Variants in FLT3LG observed in about 807,000 individuals in gnomAD.
FLT3LG encodes fms related receptor tyrosine kinase 3 ligand.
Under a neutral mutation model 30.9 loss-of-function variants are expected in FLT3LG, and 8 were observed. The ratio of observed to expected loss-of-function variants is 0.26; its 90% CI spans 0.15 to 0.47. FLT3LG has a LOEUF of 0.47. FLT3LG is among the 20% of genes least tolerant of loss of function. FLT3LG has a pLI of 0.99. For synonymous variants in FLT3LG, 123 were observed against 135.9 expected (o/e 0.91, Z 0.66); for missense variants, 278 against 306.2 (o/e 0.91, Z 0.69).
chr19:49,475,091 G>A (rs1178769180), intron 2 of FLT3LG, among the ~76,000 whole-genome samples: 1 of 100,478 alleles, frequency 1.0e-5, no homozygotes, highest in Non-Finnish European at 2.0e-5. Context: ...ATGGAGAGGA[G>A]GGGGTATGGA....
At position 49,474,608 on chromosome 19, in the gene FLT3LG, G is replaced by A. The variant is rs1216445521; in HGVS notation, c.-32G>A. The A allele has an allele frequency of 6.2e-7, 1 of 1,611,654 alleles. No homozygotes were observed. The highest frequency in any genetic ancestry group is 8.5e-7 in the Non-Finnish European group (1 of 1,179,300). ...GTTCTTCTGTCCCTTCCAAGACCCGGCGACAGGAGGCATGAGGGGCCCCCG... is the reference window on the plus strand; with the variant it reads ...GTTCTTCTGTCCCTTCCAAGACCCGACGACAGGAGGCATGAGGGGCCCCCG... On this transcript the variant is annotated 5_prime_UTR_variant, in exon 2 of 9. Transcript: ENST00000597551.
At chr19:49,477,495 T>C (rs1300281393) in intron 5 of FLT3LG, among the ~76,000 whole-genome samples, 1 of 151,450 alleles carries the variant, frequency 6.6e-6, no homozygotes, top group Non-Finnish European at 1.5e-5. Context: ...TCCCAGCACT[T>C]TGGGAGGCTG....
At chr19:49,484,555 G>A (rs975931599) in intron 8 of FLT3LG, among the ~76,000 whole-genome samples, 10 of 151,854 alleles carry the variant, frequency 6.6e-5, no homozygotes, top group African/African-American at 2.2e-4. Flanking sequence ...GGAGTGCAAC[G>A]GCACGATCTC....
chr19:49,485,587 A>G (rs1443618273), intron 8 of FLT3LG, among the ~76,000 whole-genome samples: 2 of 152,118 alleles, frequency 1.3e-5, no homozygotes, highest in Non-Finnish European at 2.9e-5. Flanking sequence ...TCTCCATGTT[A>G]GCTAGGCTGG....
At chr19:49,481,269 G>C (rs1177519924) in intron 8 of FLT3LG, 3 of 153,202 alleles carry the variant, frequency 2.0e-5, no homozygotes, top group African/African-American at 7.2e-5. Flanking sequence ...TGATGGGGTG[G>C]ACAGGGGGGA....
At chr19:49,475,649 G>A in intron 2 of FLT3LG, 42 bp from the exon 3 acceptor site, 5 of 1,592,164 alleles carry the variant, frequency 3.1e-6, no homozygotes, top group Non-Finnish European at 4.2e-6. Flanking sequence ...GGGGCTGTGT[G>A]TGGAACAGCA....
intron 8 of FLT3LG, among the ~76,000 whole-genome samples, chr19:49,485,248 C>CTTTTTTTTTTTTT (rs55877586): frequency 8.2e-6 from 1 of 121,850 alleles, no homozygotes; most frequent in Admixed American, 8.1e-5. Context: ...TCTTTTTTTT[C>CTTTTTTTTTTTTT]TTTTTTTTTT....
Position 49,479,059 on chromosome 19 carries a change from C to T in FLT3LG, c.481+12C>T. On this transcript the variant is annotated intron_variant, in intron 6 of 8. Transcript: ENST00000597551. ...GCAGTGTCAGCCCGGTAAAGGCTTCCAGGCACCCCCACTCCTTCCCCTCCT... is the reference window on the plus strand; with the variant it reads ...GCAGTGTCAGCCCGGTAAAGGCTTCTAGGCACCCCCACTCCTTCCCCTCCT... The T allele has an allele frequency of 6.2e-7, 1 of 1,601,832 alleles. No individual in the cohort carries two copies. Among genetic ancestry groups the T allele is most frequent in the Non-Finnish European group, 8.5e-7 (1 of 1,174,096 alleles).
In FLT3LG at chr19:49,476,089, C is replaced by T; in HGVS notation, c.145-56C>T. 1 of 1,601,342 alleles carries T rather than the reference C, an allele frequency of 6.2e-7. No individual in the cohort carries two copies. ...GATCTCTGCTGCCACCTCTGGGTCC[C>T]CACAGTTCTGTTTCTCGCTGTTTTC... On this transcript the variant is annotated intron_variant, in intron 3 of 8. Coordinates refer to ENST00000597551, the MANE Select transcript of FLT3LG (RefSeq NM_001459.4). The surrounding 1 kb of genome is among the most constrained non-coding windows in gnomAD (Gnocchi z 5.3).
At chr19:49,485,289 G>A (rs934196486) in intron 8 of FLT3LG, among the ~76,000 whole-genome samples, 2 of 130,790 alleles carry the variant, frequency 1.5e-5, no homozygotes, top group South Asian at 2.4e-4. Context: ...CGCTCTTGTC[G>A]CCCAGGCTGG....
In FLT3LG at chr19:49,479,063, C is replaced by A. The variant is rs1192631676; in HGVS notation, c.481+16C>A. ...TGTCAGCCCGGTAAAGGCTTCCAGG[C>A]ACCCCCACTCCTTCCCCTCCTGTCC... On this transcript the variant is annotated intron_variant, in intron 6 of 8. Coordinates refer to ENST00000597551, the MANE Select transcript of FLT3LG (RefSeq NM_001459.4). 5 of 1,599,648 alleles carry A rather than the reference C, an allele frequency of 3.1e-6. No individual in the cohort carries two copies. Among genetic ancestry groups the A allele is most frequent in the Admixed American group, 1.7e-5 (1 of 58,992 alleles).
At chr19:49,477,334 C>T (rs2079428006) in intron 5 of FLT3LG, among the ~76,000 whole-genome samples, 1 of 151,754 alleles carries the variant, frequency 6.6e-6, no homozygotes, top group African/African-American at 2.4e-5. Context: ...GTCCCAGCTA[C>T]TCAGAAGGCT....
intron 6 of FLT3LG, 91 bp from the exon 7 acceptor site, chr19:49,480,207 C>G: frequency 6.4e-6 from 6 of 934,972 alleles, no homozygotes; most frequent in Non-Finnish European, 9.7e-6. Flanking sequence ...GCAGCCCATC[C>G]AAGGTCACAC....
In FLT3LG at chr19:49,478,102, G is replaced by A. The variant is rs1434048805; in HGVS notation, c.343-807G>A. On this transcript the variant is annotated intron_variant, in intron 5 of 8. Transcript: ENST00000597551. ...GGCCGAGGCGGGCGAGTCACCTGAG[G>A]TCAGGAGTTCGAGACCAGCCTGGCC... 2.0e-5 allele frequency among the ~76,000 whole-genome samples: 3 copies of A among 150,082 alleles called. No homozygotes were observed. The Admixed American group carries it at 2.0e-4, about 10-fold the overall frequency.
At chr19:49,485,196 T>C (rs1004691018) in intron 8 of FLT3LG, among the ~76,000 whole-genome samples, 33 of 152,044 alleles carry the variant, frequency 2.2e-4, no homozygotes, top group African/African-American at 7.5e-4. Flanking sequence ...ATGTGGCTTG[T>C]TACTCCCGTA....
At chr19:49,480,264 C>T in intron 6 of FLT3LG, 34 bp from the exon 7 acceptor site, 1 of 1,500,392 alleles carries the variant, frequency 6.7e-7, no homozygotes, top group Non-Finnish European at 9.1e-7. Context: ...CCCAGCCCTT[C>T]TCCTTGGTCA....
In FLT3LG at chr19:49,480,644, G is replaced by A. The variant is rs779507025; in HGVS notation, c.*21+24G>A. On this transcript the variant is annotated intron_variant, in intron 8 of 8. Transcript: ENST00000597551. ...TGGTGAGTCCTTCCTGGGCTATGGG[G>A]CCTGGACTTTGTGTCTGCAGGTTGG... 5.7e-6 allele frequency: 9 copies of A among 1,587,830 alleles called. No individual in the cohort carries two copies. The African/African-American group carries it at 1.1e-4, about 19-fold the overall frequency.
At chr19:49,474,357 A>AGGGTGGGGGGCTGGG in intron 1 of FLT3LG, 76 bp downstream of exon 1, 1 of 563,816 alleles carries the variant, frequency 1.8e-6, no homozygotes, top group South Asian at 2.1e-5. Context: ...GGGGGAGCAG[A>AGGGTGGGGGGCTGGG]GGGTGGGGGG....
chr19:49,480,390 C>T lies in FLT3LG; in HGVS notation c.574C>T (p.Leu192=). 6.2e-7 allele frequency: 1 copy of T among 1,610,336 alleles called. No homozygotes were observed. The highest frequency in any genetic ancestry group is 1.7e-5 in the Admixed American group (1 of 59,816). ...PQPPLLLLLL[L]PVGLLLLAAA... ...GCCCCCTCTGCTCCTCCTACTGCTG[C>T]TGCCCGTGGGCCTCCTGCTGCTGGC... is the stretch of plus-strand genomic sequence containing the variant. Residue 192 remains leucine (L), a synonymous_variant, in exon 7 of 9, where the codon CTG becomes TTG. Coordinates refer to ENST00000597551, the MANE Select transcript of FLT3LG (RefSeq NM_001459.4).
Sources: gnomAD v4.1 joint callset for allele counts (sites outside exome capture counted in the v4.1 genomes callset) on GRCh38, gnomAD v4.1.1 for gene constraint, Gnocchi (gnomAD v3.1) non-coding constraint, MANE v1.5 for transcripts, NCBI Gene and HGNC (gene_info 2026-07-23, HGNC 2026-07-21) for gene names.